The following MCTP2 variants were observed in gnomAD, a reference collection of about 807,000 sequenced individuals.
MCTP2 encodes the protein multiple C2 and transmembrane domain-containing protein 2.
A neutral mutation model predicts 111.6 loss-of-function variants in MCTP2; 132 were observed. The ratio of observed to expected loss-of-function variants is 1.18; its 90% confidence interval spans 1.03 to 1.37. The LOEUF is 1.37. Ranked by LOEUF, MCTP2 falls within the 40% of genes most tolerant of loss-of-function variation. The pLI is 0.00. For synonymous variants in MCTP2, 395 were observed against 387.7 expected (o/e 1.02, Z -0.22); for missense variants, 1,183 against 1,067.9 (o/e 1.11, Z -1.50).
intron 4 of MCTP2, among the ~76,000 whole-genome samples, chr15:94,328,370 CA>C (rs1407712015): frequency 2.0e-5 from 3 of 152,076 alleles, no homozygotes; most frequent in Non-Finnish European, 4.4e-5. Context: ...CCTCGTGATC[CA>C]CCCGCCTTGG....
chr15:94,339,463 TTTA>T (rs1567465272), intron 5 of MCTP2, 31 bp downstream of exon 5: 1 of 1,539,416 alleles, frequency 6.5e-7, no homozygotes, highest in Non-Finnish European at 8.7e-7. Flanking sequence ...AATCTGCTCC[TTTA>T]TTAAAAACAT....
chr15:94,412,662 T>C (rs2152486587), intron 17 of MCTP2, among the ~76,000 whole-genome samples: 1 of 152,278 alleles, frequency 6.6e-6, no homozygotes, highest in Non-Finnish European at 1.5e-5. Context: ...TGTCTTCTCT[T>C]TAAGGAATAG....
chr15:94,232,507 G>C (rs1202342475), intron 1 of MCTP2, among the ~76,000 whole-genome samples: 1 of 152,204 alleles, frequency 6.6e-6, no homozygotes, highest in Non-Finnish European at 1.5e-5. Flanking sequence ...TGAAGGATTT[G>C]TATGGATTAT....
rs919042768 is a variant in MCTP2 at position 94,328,252 on chromosome 15, A to C, written c.638-11038A>C. On this transcript the variant is annotated intron_variant, in intron 4 of 22. Transcript: ENST00000357742. Reference sequence around the variant, plus strand: ...CATACCATTCTCCTGCCTCAGCCTCATGAGTAGCTGGGACTACAGGTGCCC... The same window carrying C: ...CATACCATTCTCCTGCCTCAGCCTCCTGAGTAGCTGGGACTACAGGTGCCC... Among the ~76,000 whole-genome samples, 7 of 150,218 alleles carry C rather than the reference A, an allele frequency of 4.7e-5. No individual in the cohort carries two copies. In the East Asian group the frequency reaches 5.9e-4, roughly 13 times the overall value.
intron 11 of MCTP2, among the ~76,000 whole-genome samples, 181 bp downstream of exon 11, chr15:94,367,972 T>C (rs981393223): frequency 6.6e-5 from 10 of 152,138 alleles, no homozygotes; most frequent in Non-Finnish European, 1.3e-4. Context: ...AGTGAAAAGG[T>C]GACAGTAGAA....
intron 17 of MCTP2, among the ~76,000 whole-genome samples, chr15:94,412,488 T>C (rs889186475): frequency 1.4e-4 from 21 of 152,124 alleles, no homozygotes; most frequent in Non-Finnish European, 2.8e-4. Flanking sequence ...TCCATGGTGA[T>C]GAGAGTAATG....
At chr15:94,411,395 G>T (rs2152485626) in intron 17 of MCTP2, among the ~76,000 whole-genome samples, 1 of 151,522 alleles carries the variant, frequency 6.6e-6, no homozygotes, top group Middle Eastern at 3.4e-3. Flanking sequence ...CAGGTGGCAT[G>T]TGCTCGCCAT....
chr15:94,298,160 T>G (rs78144941), intron 1 of MCTP2, 41 bp from the exon 2 acceptor site: 27,662 of 870,614 alleles, frequency 0.032, 1,342 homozygotes, highest in East Asian at 0.2. Flanking sequence ...TGTTTTTTTT[T>G]TTTGTTTGTT....
At chr15:94,346,736 C>T (rs976468136) in intron 8 of MCTP2, among the ~76,000 whole-genome samples, 2 of 151,998 alleles carry the variant, frequency 1.3e-5, no homozygotes, top group Non-Finnish European at 2.9e-5. Context: ...ATATTGGAGT[C>T]TAGGGAGGAC....
At chr15:94,471,154 G>T (rs1263659195) in intron 21 of MCTP2, among the ~76,000 whole-genome samples, 4 of 152,180 alleles carry the variant, frequency 2.6e-5, no homozygotes. Flanking sequence ...GCTCTGAGTT[G>T]ATATAAGGAG....
Position 94,476,755 on chromosome 15 carries a change from C to A in MCTP2, c.2530C>A (p.Leu844Ile), listed in dbSNP as rs771529939. 7.5e-5 allele frequency: 121 copies of A among 1,608,980 alleles called. No individual in the cohort carries two copies. The highest frequency in any genetic ancestry group is 1.5e-5 in the Non-Finnish European group (18 of 1,175,646). Reference protein sequence around the residue: ...NPYSIDNNELLDFLSRVPSDV... With the variant: ...NPYSIDNNELIDFLSRVPSDV... ...CTATTCCATCGACAATAATGAGCTACTAGACTTCCTCTCTAGGGTACCGTC... is the reference window on the plus strand; with the variant it reads ...CTATTCCATCGACAATAATGAGCTAATAGACTTCCTCTCTAGGGTACCGTC... Residue 844 changes from leucine to isoleucine, a missense_variant, in exon 22 of 23, where the codon CTA (leucine) becomes ATA (isoleucine). Coordinates refer to ENST00000357742, the MANE Select transcript of MCTP2 (RefSeq NM_001385001.1).
chr15:94,470,326 T>TCTACAGCA lies in MCTP2; in HGVS notation c.2361-5_2363dup. On this transcript the variant is annotated splice_polypyrimidine_tract_variant and splice_region_variant and intron_variant, in intron 20 of 22. Transcript: ENST00000357742. ...GAGGAAATTATATTTATGTGGTTTG[T>TCTACAGCA]CTACAGCACATTTAACTGGACGGTC... 1 of 1,590,908 alleles carries TCTACAGCA rather than the reference T, an allele frequency of 6.3e-7. No individual in the cohort carries two copies. Among genetic ancestry groups the TCTACAGCA allele is most frequent in the Non-Finnish European group, 8.6e-7 (1 of 1,158,922 alleles).
intron 1 of MCTP2, among the ~76,000 whole-genome samples, chr15:94,249,275 A>G (rs1275903669): frequency 6.6e-6 from 1 of 152,178 alleles, no homozygotes; most frequent in African/African-American, 2.4e-5. Flanking sequence ...AATAAGAACT[A>G]ATTAGCTGTG....
intron 4 of MCTP2, among the ~76,000 whole-genome samples, chr15:94,338,880 G>A (rs943238647): frequency 6.6e-6 from 1 of 152,168 alleles, no homozygotes; most frequent in South Asian, 2.1e-4. Flanking sequence ...ATAGGATTCT[G>A]TTGAATCAGC....
At chr15:94,475,898 C>T (rs1387700286) in intron 21 of MCTP2, among the ~76,000 whole-genome samples, 1 of 125,330 alleles carries the variant, frequency 8.0e-6, no homozygotes, top group East Asian at 2.3e-4. Context: ...AGGATGTTGA[C>T]ATCTTAAACG....
At chr15:94,375,354 G>C (rs1408654382) in intron 12 of MCTP2, among the ~76,000 whole-genome samples, 1 of 152,158 alleles carries the variant, frequency 6.6e-6, no homozygotes, top group Non-Finnish European at 1.5e-5. Flanking sequence ...TAGGGACATA[G>C]ATCCAAACCA....
chr15:94,329,158 T>G (rs1339900502), intron 4 of MCTP2, among the ~76,000 whole-genome samples: 2 of 152,214 alleles, frequency 1.3e-5, no homozygotes, highest in Non-Finnish European at 2.9e-5. Flanking sequence ...GATACCCTAC[T>G]TTTTTATTAA....
intron 12 of MCTP2, among the ~76,000 whole-genome samples, chr15:94,379,446 C>T (rs1177673788): frequency 6.6e-6 from 1 of 151,968 alleles, no homozygotes; most frequent in Non-Finnish European, 1.5e-5. Flanking sequence ...CTCCCACGTC[C>T]CCCAAGCCTC....
intron 1 of MCTP2, among the ~76,000 whole-genome samples, chr15:94,264,839 T>A (rs191038740): frequency 6.6e-6 from 1 of 152,194 alleles, no homozygotes; most frequent in East Asian, 1.9e-4. Flanking sequence ...TATGAGAAGA[T>A]CAAGCTGAGG....
Sources: gnomAD v4.1 joint callset for allele counts (sites outside exome capture counted in the v4.1 genomes callset) on GRCh38, gnomAD v4.1.1 for gene constraint, MANE v1.5 for transcripts, NCBI Gene and HGNC (gene_info 2026-07-23, HGNC 2026-07-21) for gene names.